Variants in TP53TG3D observed in about 807,000 individuals in gnomAD.
The protein encoded by TP53TG3D is TP53-target gene 3 protein.
For missense variants in TP53TG3D, 4 were observed against 139.9 expected, an observed-to-expected ratio of 0.03 and a Z score of 4.90; for synonymous variants, 2 against 56.9, an observed-to-expected ratio of 0.04 and a Z score of 4.34.
chr16:32,254,860 G>A, intron 1 of TP53TG3D, 31 bp from the exon 2 acceptor site: 1 of 1,580,724 alleles, frequency 6.3e-7, no homozygotes, highest in South Asian at 1.1e-5. Flanking sequence ...ACTAAACAGT[G>A]ATCATTCTCT....
Position 32,255,245 on chromosome 16 carries a change from A to G in TP53TG3D, c.*342A>G, listed in dbSNP as rs1185699341. On this transcript the variant is annotated 3_prime_UTR_variant, in exon 2 of 2. Transcript: ENST00000398664. ...GCCTGCTGCTTTCCTAAATCACAAT[A>G]TGGCCTTGGTATGGTTTTATTTGTA... The G allele has an allele frequency of 7.3e-6, 3 of 412,090 alleles. 1 individual carries two copies. The highest frequency in any genetic ancestry group is 1.4e-5 in the Non-Finnish European group (3 of 219,232). The allele number at this position is 412,090 out of a possible 1,614,324, so 25.5% of individuals were successfully genotyped here.
In TP53TG3D at chr16:32,255,102, T is replaced by C. The variant is rs1962193374; in HGVS notation, c.*199T>C. 5 of 1,128,554 alleles carry C rather than the reference T, an allele frequency of 4.4e-6. No homozygotes were observed. In the South Asian group the frequency reaches 5.7e-5, roughly 13 times the overall value. 69.9% of individuals were successfully genotyped at this position (1,128,554 alleles called of 1,614,324 possible). ...ACAAGTCTGGAAAGTCATCTGCCTT[T>C]AATAACTGTCGTTTGTCCTTAACGT... On this transcript the variant is annotated 3_prime_UTR_variant, in exon 2 of 2. Transcript: ENST00000398664.
At chr16:32,254,924 T>G (rs1962188298) in exon 2 of TP53TG3D, 1 of 1,589,602 alleles carries the variant, frequency 6.3e-7, no homozygotes, top group Admixed American at 1.7e-5. Flanking sequence ...ACTACTCGCT[T>G]CTGAAACTGA....
intron 1 of TP53TG3D, 66 bp from the exon 2 acceptor site, chr16:32,254,825 C>T: frequency 6.2e-7 from 1 of 1,606,790 alleles, no homozygotes; most frequent in Admixed American, 1.7e-5. Context: ...CCCCCTTGGA[C>T]CACTTTTAAT....
exon 2 of TP53TG3D, chr16:32,255,349 T>C (rs1962202804): frequency 3.9e-6 from 1 of 255,880 alleles, no homozygotes; most frequent in Non-Finnish European, 7.6e-6. Context: ...TTGCAGCTGT[T>C]AGTTATTGAT....
chr16:32,254,711 C>G (rs1317644253), intron 1 of TP53TG3D, 180 bp from the exon 2 acceptor site: 2 of 1,464,748 alleles, frequency 1.4e-6, no homozygotes, highest in East Asian at 5.0e-5. Context: ...GCCCCTTGGT[C>G]CCTCCCAACA....
chr16:32,255,158 A>G, exon 2 of TP53TG3D: 1 of 727,610 alleles, frequency 1.4e-6, no homozygotes, highest in Non-Finnish European at 2.3e-6. Flanking sequence ...AACTCTAAGA[A>G]CTTATTTCCA....
At chr16:32,255,316 G>C in exon 2 of TP53TG3D, 1 of 270,836 alleles carries the variant, frequency 3.7e-6, no homozygotes, top group Non-Finnish European at 7.2e-6. Flanking sequence ...AAAAAAATAG[G>C]TTTTTGAACA....
In TP53TG3D at chr16:32,253,619, C is replaced by CTGCA; in HGVS notation, c.267_270dup (p.Gly91CysfsTer83). On this transcript the variant is annotated frameshift_variant, in exon 1 of 2. Coordinates refer to ENST00000398664, the Ensembl canonical transcript of TP53TG3D. LOFTEE classifies it high-confidence loss of function. Reference sequence around the variant, plus strand: ...AATTGTGACACCCTGTCTCCTCGAGCTGCAGGCTTTTATGCTTGTCATGTT... The same window carrying CTGCA: ...AATTGTGACACCCTGTCTCCTCGAGCTGCATGCAGGCTTTTATGCTTGTCATGTT... The CTGCA allele has an allele frequency of 6.3e-7, 1 of 1,590,808 alleles. No homozygotes were observed.
chr16:32,254,053 C>T, intron 1 of TP53TG3D: 1 of 408,728 alleles, frequency 2.4e-6, no homozygotes, highest in Non-Finnish European at 4.2e-6. Context: ...CCGCTCCGCC[C>T]CGTCCCTTCT....
At chr16:32,253,804 TTGTCACTCCCTTTCAGACA>T (rs1962141805) in intron 1 of TP53TG3D, 89 bp downstream of exon 1, 1 of 1,542,388 alleles carries the variant, frequency 6.5e-7, no homozygotes, top group African/African-American at 1.6e-5. Flanking sequence ...GCTCCTCCTC[TTGTCACTCCCTTTCAGACA>T]TGCGCAGTGC....
exon 2 of TP53TG3D, chr16:32,255,103 A>C (rs1962193436): frequency 4.5e-6 from 5 of 1,120,856 alleles, no homozygotes; most frequent in Non-Finnish European, 6.5e-6. Context: ...ATCTGCCTTT[A>C]ATAACTGTCG....
exon 2 of TP53TG3D, chr16:32,254,986 G>T: frequency 9.6e-7 from 1 of 1,043,040 alleles, no homozygotes; most frequent in Non-Finnish European, 1.5e-6. Context: ...CAGAATCTCC[G>T]TGGGACATCT....
exon 2 of TP53TG3D, chr16:32,255,242 A>C (rs1962197691): frequency 2.4e-6 from 1 of 424,130 alleles, no homozygotes; most frequent in Non-Finnish European, 4.4e-6. Flanking sequence ...CCTAAATCAC[A>C]ATATGGCCTT....
intron 1 of TP53TG3D, chr16:32,254,660 A>C: frequency 6.9e-7 from 1 of 1,439,290 alleles, no homozygotes; most frequent in African/African-American, 1.5e-5. Context: ...CTTAGTGTGG[A>C]CCTCCGGGCC....
At chr16:32,254,425 C>G (rs1036456784) in intron 1 of TP53TG3D, 1 of 1,529,438 alleles carries the variant, frequency 6.5e-7, no homozygotes, top group Non-Finnish European at 8.7e-7. Context: ...CCCAGGAGTG[C>G]CGCTTGGACC....
chr16:32,254,572 G>A, intron 1 of TP53TG3D: 1 of 1,472,810 alleles, frequency 6.8e-7, no homozygotes. Flanking sequence ...CTACGGGGAT[G>A]GGACCCTGGA....
At chr16:32,255,010 A>G (rs903066821) in exon 2 of TP53TG3D, 8 of 1,310,736 alleles carry the variant, frequency 6.1e-6, no homozygotes, top group East Asian at 2.4e-5. Context: ...TGGAGCATCA[A>G]TATTACTGCA....
At chr16:32,255,132 C>T (rs1567304446) in exon 2 of TP53TG3D, 1 of 827,002 alleles carries the variant, frequency 1.2e-6, no homozygotes, top group African/African-American at 1.7e-5. Context: ...TAACGTCAGA[C>T]TTTCTCCAAG....
Sources: gnomAD v4.1 joint callset for allele counts on GRCh38, gnomAD v4.1.1 for gene constraint, MANE v1.5 for transcripts, NCBI Gene and HGNC (gene_info 2026-07-23, HGNC 2026-07-21) for gene names.